The following CCDC148 variants were observed in gnomAD, a reference collection of about 807,000 sequenced individuals.
CCDC148 encodes coiled-coil domain-containing protein 148.
A neutral mutation model predicts 85.7 loss-of-function variants in CCDC148; 89 were observed. The ratio of observed to expected loss-of-function variants is 1.04; its 90% CI spans 0.87 to 1.24. CCDC148 has a LOEUF of 1.24. Among genes scored for constraint, CCDC148 ranks in the 50% most tolerant of loss-of-function variants. The pLI is 0.00. For synonymous variants in CCDC148, 230 were observed against 213.9 expected (o/e 1.08, Z -0.66); for missense variants, 692 against 671.7 (o/e 1.03, Z -0.33).
At position 158,434,724 on chromosome 2, in the gene CCDC148, C is replaced by G. The variant is rs141280380; in HGVS notation, c.25+21691G>C. Among the ~76,000 whole-genome samples, 1,516 of 152,152 alleles carry G rather than the reference C, an allele frequency of 1.0e-2. 27 individuals carry two copies. Among genetic ancestry groups the G allele is most frequent in the African/African-American group, 0.034 (1,401 of 41,504 alleles). ...AACCCACTGCAAAGAAGCTAAAAAC[C>G]TTGAAAAAAGATGAGACGAATGGCT... is the stretch of plus-strand genomic sequence containing the variant. On this transcript the variant is annotated intron_variant, in intron 1 of 13. Coordinates refer to ENST00000283233, the MANE Select transcript of CCDC148 (RefSeq NM_138803.4).
intron 10 of CCDC148, among the ~76,000 whole-genome samples, chr2:158,221,851 G>A (rs1196920060): frequency 6.6e-6 from 1 of 152,122 alleles, no homozygotes; most frequent in Non-Finnish European, 1.5e-5. Context: ...AGAGAGAACA[G>A]AGATAAAGCT....
chr2:158,254,136 T>C (rs1213607672), intron 9 of CCDC148, among the ~76,000 whole-genome samples: 1 of 151,736 alleles, frequency 6.6e-6, no homozygotes, highest in Non-Finnish European at 1.5e-5. Context: ...CCAAATGCAA[T>C]ATGTGGTTTA....
At chr2:158,197,203 C>T (rs6721441) in intron 11 of CCDC148, among the ~76,000 whole-genome samples, 4,870 of 152,064 alleles carry the variant, frequency 0.032, 242 homozygotes, top group African/African-American at 0.11. Context: ...AGCACTTCAT[C>T]GAAAGAACTG....
chr2:158,436,084 C>G (rs907235945), intron 1 of CCDC148, among the ~76,000 whole-genome samples: 2 of 152,184 alleles, frequency 1.3e-5, no homozygotes, highest in African/African-American at 4.8e-5. Flanking sequence ...AGAAAGTTAA[C>G]AAGGATACCC....
At chr2:158,354,107 T>C (rs1683484928) in intron 2 of CCDC148, among the ~76,000 whole-genome samples, 4 of 151,606 alleles carry the variant, frequency 2.6e-5, no homozygotes, top group Non-Finnish European at 5.9e-5. Context: ...TAGCACTAAA[T>C]GCCCACAAGA....
intron 8 of CCDC148, among the ~76,000 whole-genome samples, chr2:158,310,585 G>A (rs1691938494): frequency 6.6e-6 from 1 of 151,932 alleles, no homozygotes; most frequent in African/African-American, 2.4e-5. Flanking sequence ...GCCGGGCGGA[G>A]GGGCTCCTCA....
intron 9 of CCDC148, among the ~76,000 whole-genome samples, chr2:158,282,694 C>T (rs1266764222): frequency 6.6e-6 from 1 of 152,216 alleles, no homozygotes; most frequent in East Asian, 1.9e-4. Flanking sequence ...GTGAAAATGG[C>T]CATACTGCCC....
intron 2 of CCDC148, among the ~76,000 whole-genome samples, chr2:158,351,393 C>A (rs561005587): frequency 2.6e-5 from 4 of 152,132 alleles, no homozygotes; most frequent in African/African-American, 9.7e-5. Flanking sequence ...GTGCGCGAGC[C>A]GAAGCAGGGC....
At chr2:158,224,819 G>C (rs1160370418) in intron 10 of CCDC148, among the ~76,000 whole-genome samples, 1 of 152,094 alleles carries the variant, frequency 6.6e-6, no homozygotes, top group Non-Finnish European at 1.5e-5. Flanking sequence ...AACATGGAAA[G>C]GAACAACCGG....
chr2:158,173,808 C>T (rs1311376067), intron 13 of CCDC148, among the ~76,000 whole-genome samples: 1 of 152,148 alleles, frequency 6.6e-6, no homozygotes, highest in Middle Eastern at 3.4e-3. Context: ...TCATGTGCAA[C>T]CTGTATGCCA....
intron 11 of CCDC148, among the ~76,000 whole-genome samples, chr2:158,181,138 C>A (rs559938428): frequency 6.6e-6 from 1 of 152,232 alleles, no homozygotes; most frequent in African/African-American, 2.4e-5. Flanking sequence ...TTACCATATG[C>A]TAATTCTCAG....
In CCDC148 at chr2:158,275,641, A is replaced by G. The variant is rs375533071; in HGVS notation, c.1111-24729T>C. On this transcript the variant is annotated intron_variant, in intron 9 of 13. Coordinates refer to ENST00000283233, the MANE Select transcript of CCDC148 (RefSeq NM_138803.4). ...GTTTTATCATCAAAGTATATTCTTT[A>G]GAGGCCTTTGGTGACAGCTGGAAGT... Among the ~76,000 whole-genome samples, 9 of 152,046 alleles carry G rather than the reference A, an allele frequency of 5.9e-5. No individual in the cohort carries two copies. In the South Asian group the frequency reaches 1.7e-3, roughly 28 times the overall value.
intron 1 of CCDC148, among the ~76,000 whole-genome samples, chr2:158,395,514 C>A (rs144018380): frequency 6.6e-6 from 1 of 152,262 alleles, no homozygotes; most frequent in African/African-American, 2.4e-5. Context: ...GCTCAAATTT[C>A]AGCCTGAGTG....
intron 10 of CCDC148, among the ~76,000 whole-genome samples, chr2:158,249,746 C>T (rs958209697): frequency 9.2e-5 from 14 of 152,104 alleles, no homozygotes; most frequent in Non-Finnish European, 1.5e-4. Context: ...TTTACCTCTA[C>T]ATATTCAACT....
chr2:158,433,570 A>T (rs2105334858), intron 1 of CCDC148, among the ~76,000 whole-genome samples: 1 of 152,248 alleles, frequency 6.6e-6, no homozygotes, highest in East Asian at 1.9e-4. Flanking sequence ...GCAACGCAGA[A>T]TATAGGTGAT....
In CCDC148 at chr2:158,366,513, C is replaced by A. The variant is rs540760774; in HGVS notation, c.26-7943G>T. Among the ~76,000 whole-genome samples, 16 of 152,292 alleles carry A rather than the reference C, an allele frequency of 1.1e-4. No individual in the cohort carries two copies. In the East Asian group the frequency reaches 3.1e-3, roughly 29 times the overall value. ...GACTCGCTGCCTTGCTGTGGGAATGCAGTCTACAGATAGCCTCCAGCTGTC... is the reference window on the plus strand; with the variant it reads ...GACTCGCTGCCTTGCTGTGGGAATGAAGTCTACAGATAGCCTCCAGCTGTC... On this transcript the variant is annotated intron_variant, in intron 1 of 13. Transcript: ENST00000283233.
At chr2:158,437,030 A>C (rs1388645275) in intron 1 of CCDC148, among the ~76,000 whole-genome samples, 10 of 152,152 alleles carry the variant, frequency 6.6e-5, no homozygotes, top group Admixed American at 3.3e-4. Flanking sequence ...GGATTCACAG[A>C]CAAATTCTAG....
At chr2:158,442,909 C>T (rs1687994818) in intron 1 of CCDC148, among the ~76,000 whole-genome samples, 1 of 152,166 alleles carries the variant, frequency 6.6e-6, no homozygotes, top group African/African-American at 2.4e-5. Flanking sequence ...GTGGAGAGAC[C>T]AGATGCAAAC....
At chr2:158,306,891 C>T (rs1452862133) in intron 9 of CCDC148, among the ~76,000 whole-genome samples, 1 of 149,988 alleles carries the variant, frequency 6.7e-6, no homozygotes, top group East Asian at 2.0e-4. Flanking sequence ...TGGTTGCAGG[C>T]ACCTGTAGTC....
Sources: gnomAD v4.1 joint callset for allele counts (sites outside exome capture counted in the v4.1 genomes callset) on GRCh38, gnomAD v4.1.1 for gene constraint, MANE v1.5 for transcripts, NCBI Gene and HGNC (gene_info 2026-07-23, HGNC 2026-07-21) for gene names.